Variants in DACH2 observed in about 807,000 individuals in gnomAD.
DACH2 encodes the protein dachshund family transcription factor 2.
In DACH2, 17 loss-of-function variants were observed where a neutral mutation model predicts 35.8. The observed-to-expected ratio is 0.48, with a 90% CI of 0.33 to 0.71. The LOEUF is 0.71. Among genes scored for constraint, DACH2 ranks in the 30% least tolerant of loss-of-function variants. The pLI, the probability that DACH2 is intolerant of heterozygous loss-of-function variation, is 0.02. For synonymous variants in DACH2, 195 were observed against 177.3 expected, an observed-to-expected ratio of 1.10 and a Z score of -0.79; for missense variants, 469 against 472.7, an observed-to-expected ratio of 0.99 and a Z score of 0.07.
At chrX:86,517,892 T>G (rs1488961430) in intron 3 of DACH2, among the ~76,000 whole-genome samples, 1 of 111,988 alleles carries the variant, frequency 8.9e-6, no homozygotes, top group Non-Finnish European at 1.9e-5. Context: ...CATAAGCCCT[T>G]AAGTTTAATT....
chrX:86,790,113 G>T (rs765379548), intron 7 of DACH2, among the ~76,000 whole-genome samples: 2 of 111,899 alleles, frequency 1.8e-5, no homozygotes, highest in South Asian at 7.4e-4. Flanking sequence ...TCATACACAT[G>T]TATGCACACA....
At chrX:86,650,768 G>T (rs935844835) in intron 3 of DACH2, among the ~76,000 whole-genome samples, 2 of 111,141 alleles carry the variant, frequency 1.8e-5, no homozygotes, top group Admixed American at 9.6e-5. Flanking sequence ...GGAATTATAA[G>T]AATTGAAAGT....
chrX:86,246,138 A>T (rs1366852674), intron 1 of DACH2, among the ~76,000 whole-genome samples: 1 of 111,920 alleles, frequency 8.9e-6, no homozygotes, highest in Non-Finnish European at 1.9e-5. Flanking sequence ...ATAAAATGGA[A>T]TGAAGAAAGT....
At chrX:86,523,527 G>T (rs1163073621) in intron 3 of DACH2, among the ~76,000 whole-genome samples, 2 of 111,277 alleles carry the variant, frequency 1.8e-5, no homozygotes, top group African/African-American at 6.5e-5. Flanking sequence ...TTGACATAAA[G>T]ACAATCACAC....
At chrX:86,708,191 T>C (rs909600846) in intron 5 of DACH2, among the ~76,000 whole-genome samples, 1 of 110,451 alleles carries the variant, frequency 9.1e-6, no homozygotes, top group Non-Finnish European at 1.9e-5. Flanking sequence ...TCTTACTCAA[T>C]GGTGAAAAAC....
chrX:86,218,591 G>A (rs943996996), intron 1 of DACH2, among the ~76,000 whole-genome samples: 16 of 111,682 alleles, frequency 1.4e-4, no homozygotes, highest in African/African-American at 4.5e-4. Flanking sequence ...TGTAAATCTC[G>A]TGTATAATTA....
intron 2 of DACH2, among the ~76,000 whole-genome samples, chrX:86,435,608 A>T (rs2037055310): frequency 8.9e-6 from 1 of 112,167 alleles, no homozygotes; most frequent in African/African-American, 3.2e-5. Context: ...GAATGTCCAC[A>T]TCGATACAAT....
At chrX:86,608,093 C>T (rs1322579143) in intron 3 of DACH2, among the ~76,000 whole-genome samples, 1 of 109,965 alleles carries the variant, frequency 9.1e-6, no homozygotes, top group Non-Finnish European at 1.9e-5. Flanking sequence ...GATTTATAGT[C>T]CTTTGGGTAT....
chrX:86,283,833 T>A (rs1453108322), intron 1 of DACH2, among the ~76,000 whole-genome samples: 1 of 107,520 alleles, frequency 9.3e-6, no homozygotes, highest in Non-Finnish European at 1.9e-5. Context: ...GTAACAAACC[T>A]GCATGTTCTG....
At chrX:86,299,266 C>A (rs983354948) in intron 1 of DACH2, among the ~76,000 whole-genome samples, 3 of 111,513 alleles carry the variant, frequency 2.7e-5, no homozygotes, top group African/African-American at 6.5e-5. Flanking sequence ...TGTGGATGAA[C>A]CTTTTATGAC....
chrX:86,373,591 C>T (rs1330521807), intron 1 of DACH2, among the ~76,000 whole-genome samples: 2 of 110,633 alleles, frequency 1.8e-5, no homozygotes, highest in Non-Finnish European at 3.8e-5. Flanking sequence ...TGATCTGACA[C>T]TAACTTCCTC....
At chrX:86,397,009 T>G (rs968553952) in intron 2 of DACH2, among the ~76,000 whole-genome samples, 3 of 111,413 alleles carry the variant, frequency 2.7e-5, no homozygotes, top group Admixed American at 9.5e-5. Context: ...ATATTGATTC[T>G]TCCTACCCGT....
chrX:86,152,192 G>A (rs1028538488), intron 1 of DACH2, among the ~76,000 whole-genome samples: 1 of 111,537 alleles, frequency 9.0e-6, no homozygotes, highest in Admixed American at 9.5e-5. Context: ...ATTTGTAATG[G>A]TGTCATTGGC....
chrX:86,673,757 G>T (rs1417842824), intron 4 of DACH2, among the ~76,000 whole-genome samples: 1 of 111,621 alleles, frequency 9.0e-6, no homozygotes, highest in Non-Finnish European at 1.9e-5. Flanking sequence ...GTCATTCCCA[G>T]TGTTGGAGGT....
intron 1 of DACH2, among the ~76,000 whole-genome samples, chrX:86,315,192 G>A (rs1032040307): frequency 8.9e-6 from 1 of 111,983 alleles, no homozygotes; most frequent in Non-Finnish European, 1.9e-5. Flanking sequence ...TAAAAAATAT[G>A]CTAAATCTAC....
At chrX:86,324,228 A>C (rs2035068312) in intron 1 of DACH2, among the ~76,000 whole-genome samples, 1 of 111,904 alleles carries the variant, frequency 8.9e-6, no homozygotes, top group Non-Finnish European at 1.9e-5. Context: ...TAGAAAGAGC[A>C]AGAGAACTAG....
At position 86,658,497 on chromosome X, in the gene DACH2, T is replaced by C. The variant is rs192715647; in HGVS notation, c.772+7330T>C. 2.6e-4 allele frequency among the ~76,000 whole-genome samples: 29 copies of C among 111,704 alleles called. 1 individual carries two copies. In the East Asian group the frequency reaches 7.9e-3, roughly 30 times the overall value. On this transcript the variant is annotated intron_variant, in intron 4 of 11. Transcript: ENST00000373125. Reference sequence around the variant, plus strand: ...ATAGTTTCTTTGATTTGAGGTTTGTTTAATAGTTTCCATAATGGCTGCACC... The same window carrying C: ...ATAGTTTCTTTGATTTGAGGTTTGTCTAATAGTTTCCATAATGGCTGCACC...
intron 7 of DACH2, 56 bp downstream of exon 7, chrX:86,739,938 G>T (rs1190974133): frequency 9.1e-7 from 1 of 1,099,484 alleles, no homozygotes; most frequent in Non-Finnish European, 1.2e-6. Context: ...GAAATTAGTT[G>T]TTAGGAAAAA....
At chrX:86,724,808 C>T (rs768630604) in intron 6 of DACH2, among the ~76,000 whole-genome samples, 137 of 110,876 alleles carry the variant, frequency 1.2e-3, no homozygotes, top group African/African-American at 4.0e-3. Flanking sequence ...TCTTCCCCCT[C>T]GGAAACACAG....
Sources: allele counts gnomAD v4.1 joint callset (sites outside exome capture counted in the v4.1 genomes callset), GRCh38; gene constraint gnomAD v4.1.1; transcripts MANE v1.5; gene names NCBI Gene and HGNC (gene_info 2026-07-23, HGNC 2026-07-21).